The following TSGA10 variants were observed in gnomAD, a reference collection of about 807,000 sequenced individuals.
The protein encoded by TSGA10 is testis-specific gene 10 protein.
A neutral mutation model predicts 96.6 loss-of-function variants in TSGA10; 43 were observed. The observed-to-expected ratio is 0.44, with a 90% CI of 0.35 to 0.57. The LOEUF (loss-of-function observed/expected upper bound fraction) is 0.57, where lower values mean the gene tolerates loss of function less well. Ranked by LOEUF, TSGA10 falls within the 20% of genes least tolerant of loss-of-function variation. TSGA10 has a pLI of 0.01. For synonymous variants in TSGA10, 229 were observed against 269.9 expected, an observed-to-expected ratio of 0.85 and a Z score of 1.48; for missense variants, 703 against 834.4, an observed-to-expected ratio of 0.84 and a Z score of 1.94.
At chr2:99,059,623 A>G (rs1454193217) in intron 16 of TSGA10, among the ~76,000 whole-genome samples, 1 of 151,980 alleles carries the variant, frequency 6.6e-6, no homozygotes, top group Non-Finnish European at 1.5e-5. Context: ...TGGGCGACAG[A>G]GCAAGACTCA....
At chr2:99,050,457 T>G (rs1485606380) in intron 16 of TSGA10, among the ~76,000 whole-genome samples, 1 of 152,112 alleles carries the variant, frequency 6.6e-6, no homozygotes, top group Non-Finnish European at 1.5e-5. Context: ...ATCCAAAATC[T>G]GAAATATTTC....
rs533531400 is a variant in TSGA10, at chr2:99,011,054, G to A, written c.2072+7146C>T. ...CATACCCCCATCCCCCAAGGTGGCC[G>A]TGGCAAGCCCTGCCCAAGTAGAGTC... On this transcript the variant is annotated intron_variant, in intron 20 of 20. Transcript: ENST00000393483. 5.9e-5 allele frequency among the ~76,000 whole-genome samples: 9 copies of A among 152,246 alleles called. No individual in the cohort carries two copies. The South Asian group carries it at 8.3e-4, about 14-fold the overall frequency.
At chr2:99,148,235 T>G (rs756789384) in intron 1 of TSGA10, 1 of 152,230 alleles carries the variant, frequency 6.6e-6, no homozygotes, top group African/African-American at 2.4e-5. Context: ...GACAGGAGTA[T>G]TTCCTTTCTA....
chr2:99,101,337 A>ACTTT (rs1483940015), intron 10 of TSGA10, among the ~76,000 whole-genome samples: 2 of 151,708 alleles, frequency 1.3e-5, no homozygotes, highest in African/African-American at 4.8e-5. Context: ...ATAAAAAGAT[A>ACTTT]CTTTTATTTT....
chr2:99,150,464 C>CT (rs75507898), intron 1 of TSGA10: 146,317 of 1,080,934 alleles, frequency 0.14, 327 homozygotes, highest in South Asian at 0.19. Flanking sequence ...TCACTTGTTA[C>CT]TTTTTTTTTT....
chr2:99,080,144 T>C (rs2087265802), intron 11 of TSGA10, among the ~76,000 whole-genome samples: 1 of 152,186 alleles, frequency 6.6e-6, no homozygotes, highest in African/African-American at 2.4e-5. Context: ...TTCTTTTCTG[T>C]CCTGACTTCA....
intron 20 of TSGA10, among the ~76,000 whole-genome samples, chr2:99,004,651 T>C (rs1382076348): frequency 6.6e-6 from 1 of 151,638 alleles, no homozygotes; most frequent in Non-Finnish European, 1.5e-5. Flanking sequence ...CAATAATAAA[T>C]AGCTTACCAA....
intron 17 of TSGA10, among the ~76,000 whole-genome samples, chr2:99,022,324 CAAAAAAAAAAAA>C (rs56381088): frequency 4.6e-5 from 2 of 43,910 alleles, no homozygotes; most frequent in Non-Finnish European, 9.3e-5. Context: ...GACCCTGTCT[CAAAAAAAAAAAA>C]AAAAAAAAAA....
chr2:99,027,725 A>G (rs2080756913), intron 17 of TSGA10, among the ~76,000 whole-genome samples: 1 of 152,162 alleles, frequency 6.6e-6, no homozygotes. Flanking sequence ...AGAAGGCCTA[A>G]TAACAATGTC....
intron 10 of TSGA10, among the ~76,000 whole-genome samples, chr2:99,082,997 G>A (rs1158530333): frequency 1.3e-5 from 2 of 151,798 alleles, no homozygotes; most frequent in East Asian, 3.9e-4. Context: ...CTGGTAAACT[G>A]GGGAAAAAAA....
chr2:99,002,279 C>T (rs1457834019), intron 20 of TSGA10, among the ~76,000 whole-genome samples: 1 of 152,246 alleles, frequency 6.6e-6, no homozygotes, highest in Non-Finnish European at 1.5e-5. Context: ...AGACTAACAG[C>T]AGATCTCTTG....
At chr2:99,090,065 C>T (rs2089104119) in intron 10 of TSGA10, among the ~76,000 whole-genome samples, 1 of 152,188 alleles carries the variant, frequency 6.6e-6, no homozygotes, top group South Asian at 2.1e-4. Flanking sequence ...GCTGAGAGAC[C>T]AGAAGATGGT....
chr2:99,027,564 A>G (rs181289734), intron 17 of TSGA10, among the ~76,000 whole-genome samples: 229 of 152,350 alleles, frequency 1.5e-3, no homozygotes, highest in Non-Finnish European at 2.5e-3. Context: ...AAATAAGTTG[A>G]TAAGTTGATT....
chr2:99,041,010 C>G (rs1361766085), intron 16 of TSGA10, among the ~76,000 whole-genome samples: 1 of 152,216 alleles, frequency 6.6e-6, no homozygotes, highest in Non-Finnish European at 1.5e-5. Context: ...TAGCTTATGC[C>G]CCTTCCTTAT....
intron 1 of TSGA10, among the ~76,000 whole-genome samples, chr2:99,146,302 T>G (rs996801396): frequency 6.6e-6 from 1 of 152,238 alleles, no homozygotes; most frequent in African/African-American, 2.4e-5. Flanking sequence ...AATTATGTTT[T>G]TATATCCTTT....
chr2:99,087,245 G>A (rs2088625830), intron 10 of TSGA10, among the ~76,000 whole-genome samples: 1 of 151,850 alleles, frequency 6.6e-6, no homozygotes, highest in Admixed American at 6.6e-5. Context: ...GGTAGCTAAT[G>A]CCTGTAATCC....
At chr2:99,036,854 G>A (rs1292589005) in intron 16 of TSGA10, among the ~76,000 whole-genome samples, 2 of 152,000 alleles carry the variant, frequency 1.3e-5, no homozygotes, top group Non-Finnish European at 2.9e-5. Context: ...TTCAGAGAAA[G>A]GAAAATTATC....
At chr2:99,101,471 G>A (rs2090724999) in intron 10 of TSGA10, among the ~76,000 whole-genome samples, 1 of 151,860 alleles carries the variant, frequency 6.6e-6, no homozygotes, top group South Asian at 2.1e-4. Context: ...CCCAGCCCAA[G>A]ACAAGCTTTC....
At chr2:99,038,085 T>C (rs1300174505) in intron 16 of TSGA10, among the ~76,000 whole-genome samples, 1 of 151,876 alleles carries the variant, frequency 6.6e-6, no homozygotes. Context: ...AAAAAAAAGT[T>C]TTTTTTCAGA....
Sources: gnomAD v4.1 joint callset for allele counts (sites outside exome capture counted in the v4.1 genomes callset) on GRCh38, gnomAD v4.1.1 for gene constraint, MANE v1.5 for transcripts, NCBI Gene and HGNC (gene_info 2026-07-23, HGNC 2026-07-21) for gene names.